The following SLC7A5 variants were observed in gnomAD, a reference collection of about 807,000 sequenced individuals.
SLC7A5 encodes the protein solute carrier family 7 member 5, also known as large neutral amino acids transporter small subunit 1.
In SLC7A5, 23 loss-of-function variants were observed where a neutral mutation model predicts 50.2. That is an observed-to-expected ratio of 0.46 (90% CI 0.33 to 0.65). The LOEUF is 0.65. SLC7A5 is among the 30% of genes least tolerant of loss of function. SLC7A5 has a pLI of 0.02. For missense variants in SLC7A5, 578 were observed against 684.4 expected, an observed-to-expected ratio of 0.84 and a Z score of 1.73; for synonymous variants, 393 against 330.6, an observed-to-expected ratio of 1.19 and a Z score of -2.05.
In SLC7A5 at chr16:87,841,349, G is replaced by A. The variant is rs1300416478; in HGVS notation, c.665-194C>T. Among the ~76,000 whole-genome samples the A allele has an allele frequency of 1.3e-5, 2 of 152,216 alleles. No individual in the cohort carries two copies. The highest frequency in any genetic ancestry group is 2.1e-4 in the South Asian group (1 of 4,832). ...GGGTTCCAACCACAACCAGGGGGAT[G>A]TGGCCCTGCCAGAGGCCCTGTGCCC... is the stretch of plus-strand genomic sequence containing the variant. On this transcript the variant is annotated intron_variant, in intron 2 of 9. Transcript: ENST00000261622. This position sits in a 1 kb window ranked among gnomAD's most constrained non-coding sequence, Gnocchi z 4.8.
Position 87,841,067 on chromosome 16 carries a change from G to C in SLC7A5, c.753C>G (p.Leu251=). 2 of 1,613,356 alleles carry C rather than the reference G, an allele frequency of 1.2e-6. No homozygotes were observed. The highest frequency in any genetic ancestry group is 1.7e-6 in the Non-Finnish European group (2 of 1,179,446). Residue 251 remains leucine (L), a synonymous_variant, in exon 3 of 10, where the codon CTC becomes CTG. Transcript: ENST00000261622. The surrounding 1 kb of genome is among the most constrained non-coding windows in gnomAD (Gnocchi z 4.8). ...GNIVLALYSG[L]FAYGGWNYLN... ...GAACCTACCATCCTCCATAGGCAAA[G>C]AGGCCGCTGTATAATGCCAGCACAA...
In SLC7A5 at chr16:87,841,966, G is replaced by A. The variant is rs1283625883; in HGVS notation, c.665-811C>T. Among the ~76,000 whole-genome samples, 2 of 152,328 alleles carry A rather than the reference G, an allele frequency of 1.3e-5. No individual in the cohort carries two copies. The highest frequency in any genetic ancestry group is 2.1e-4 in the South Asian group (1 of 4,832). Reference sequence around the variant, plus strand: ...GGAAGGGGTGTCTCCGGAAGGTCACGTGGCTGCTGGGACAGCACTGGCCCT... The same window carrying A: ...GGAAGGGGTGTCTCCGGAAGGTCACATGGCTGCTGGGACAGCACTGGCCCT... On this transcript the variant is annotated intron_variant, in intron 2 of 9. Transcript: ENST00000261622. The surrounding 1 kb of genome is among the most constrained non-coding windows in gnomAD (Gnocchi z 4.8).
intron 2 of SLC7A5, among the ~76,000 whole-genome samples, chr16:87,848,862 C>T (rs933109321): frequency 1.3e-5 from 2 of 152,092 alleles, no homozygotes; most frequent in South Asian, 2.1e-4. Context: ...GATGGTTCTG[C>T]GGATGGCCAA....
At chr16:87,847,020 T>G (rs928746902) in intron 2 of SLC7A5, among the ~76,000 whole-genome samples, 1 of 151,998 alleles carries the variant, frequency 6.6e-6, no homozygotes, top group Non-Finnish European at 1.5e-5. Flanking sequence ...TTGCCCTCTC[T>G]CCGGGAGGGC....
At chr16:87,866,450 G>A (rs754865837) in intron 1 of SLC7A5, among the ~76,000 whole-genome samples, 1 of 152,034 alleles carries the variant, frequency 6.6e-6, no homozygotes, top group Non-Finnish European at 1.5e-5. Flanking sequence ...ACAGGTGTGC[G>A]CCATGACGCC....
chr16:87,844,323 T>C (rs57195914), intron 2 of SLC7A5, among the ~76,000 whole-genome samples: 6,373 of 152,134 alleles, frequency 0.042, 425 homozygotes, highest in African/African-American at 0.14. Flanking sequence ...TCAGCAGGAT[T>C]CCCCCGAGAG....
intron 1 of SLC7A5, among the ~76,000 whole-genome samples, chr16:87,855,634 C>G (rs2055307689): frequency 6.6e-6 from 1 of 151,992 alleles, no homozygotes; most frequent in Non-Finnish European, 1.5e-5. Flanking sequence ...ATGCTGGCAT[C>G]TTGGTCTCCT....
Position 87,852,359 on chromosome 16 carries a change from C to T in SLC7A5, c.539-510G>A, listed in dbSNP as rs528400441. On this transcript the variant is annotated intron_variant, in intron 1 of 9. Transcript: ENST00000261622. The surrounding 1 kb of genome is among the most constrained non-coding windows in gnomAD (Gnocchi z 4.5). ...ATTCCAACAGAAGTGGGGTGTCCCG[C>T]TTTCCCGGAACTACCTGGCCAGTCA... 3.3e-5 allele frequency among the ~76,000 whole-genome samples: 5 copies of T among 152,326 alleles called. No individual in the cohort carries two copies. Among genetic ancestry groups the T allele is most frequent in the African/African-American group, 9.6e-5 (4 of 41,564 alleles).
At chr16:87,857,654 C>T (rs750479140) in intron 1 of SLC7A5, among the ~76,000 whole-genome samples, 24 of 152,174 alleles carry the variant, frequency 1.6e-4, no homozygotes, top group Non-Finnish European at 2.4e-4. Flanking sequence ...ACCTTTGGGC[C>T]GGACATACAG....
intron 1 of SLC7A5, among the ~76,000 whole-genome samples, chr16:87,855,785 G>GC (rs552255198): frequency 6.6e-6 from 1 of 152,140 alleles, no homozygotes; most frequent in Admixed American, 6.5e-5. Flanking sequence ...GGACCTGTGG[G>GC]CCCCGGCTGG....
Position 87,852,884 on chromosome 16 carries a change from C to G in SLC7A5, c.539-1035G>C, listed in dbSNP as rs68149176. On this transcript the variant is annotated intron_variant, in intron 1 of 9. Coordinates refer to ENST00000261622, the MANE Select transcript of SLC7A5 (RefSeq NM_003486.7). The surrounding 1 kb of genome is among the most constrained non-coding windows in gnomAD (Gnocchi z 4.5). Reference sequence around the variant, plus strand: ...TATTAATCCCGAGGCACTGACTCCACGACACCCCTCACTGCCTGCTGCACT... The same window carrying G: ...TATTAATCCCGAGGCACTGACTCCAGGACACCCCTCACTGCCTGCTGCACT... 6.6e-6 allele frequency among the ~76,000 whole-genome samples: 1 copy of G among 152,100 alleles called. No individual in the cohort carries two copies. Among genetic ancestry groups the G allele is most frequent in the East Asian group, 1.9e-4 (1 of 5,166 alleles).
In SLC7A5 at chr16:87,840,434, G is replaced by C; in HGVS notation, c.810C>G (p.Pro270=). 6.2e-7 allele frequency: 1 copy of C among 1,612,128 alleles called. No homozygotes were observed. Residue 270 remains proline (P), a synonymous_variant, in exon 4 of 10, where the codon CCC becomes CCG. Coordinates refer to ENST00000261622, the MANE Select transcript of SLC7A5 (RefSeq NM_003486.7). ...CCATCCATTCTTGCACGTACCTGTA[G>C]GGGTTGATCATTTCCTCTGTGACGA... The part of the protein sequence containing the change: ...LNFVTEEMIN[P]YRNLPLAIII...
chr16:87,835,331 C>T (rs1445782721), intron 8 of SLC7A5, among the ~76,000 whole-genome samples: 1 of 152,234 alleles, frequency 6.6e-6, no homozygotes, highest in Non-Finnish European at 1.5e-5. Context: ...GGGGCTGAGC[C>T]CCCGCTGTGC....
In SLC7A5 at chr16:87,834,321, G is replaced by A. The variant is rs541633027; in HGVS notation, c.1468+93C>T. 126 of 1,265,874 alleles carry A rather than the reference G, an allele frequency of 1.0e-4. 1 individual carries two copies. The African/African-American group carries it at 1.3e-3, about 13-fold the overall frequency. 78.4% of individuals were successfully genotyped at this position (1,265,874 alleles called of 1,614,324 possible). A position where few individuals can be genotyped will look rare whatever the true frequency, so the allele number is the denominator to read the frequency against. On this transcript the variant is annotated intron_variant, in intron 9 of 9. Transcript: ENST00000261622. ...ACCCTCCTGCCACCCAACACGCTTC[G>A]CCCCATGTGGGTGGAGACGGCCGAC...
chr16:87,846,163 A>G (rs112295785), intron 2 of SLC7A5, among the ~76,000 whole-genome samples: 7,032 of 152,268 alleles, frequency 0.046, 535 homozygotes, highest in African/African-American at 0.16. Flanking sequence ...GAGTGGAGCC[A>G]CACTCGAGCC....
intron 4 of SLC7A5, 118 bp from the exon 5 acceptor site, chr16:87,839,943 C>A: frequency 7.1e-7 from 1 of 1,402,716 alleles, no homozygotes; most frequent in South Asian, 1.2e-5. Flanking sequence ...TGCTGGGCTT[C>A]TCGGGGAAGG....
At position 87,836,549 on chromosome 16, in the gene SLC7A5, G is replaced by T. The variant is rs371674151; in HGVS notation, c.1239C>A (p.Ile413=). ...FNWLCVALAI[I]GMIWLRHRKP... ...TTCTGTGGCGCAGCCAGATCATGCC[G>T]ATGATGGCCAGGGCCACGCAGAGCC... The change falls in exon 8 of 10, where the codon ATC becomes ATA. Residue 413 remains isoleucine (I), a synonymous_variant. Coordinates refer to ENST00000261622, the MANE Select transcript of SLC7A5 (RefSeq NM_003486.7). 4 of 1,613,402 alleles carry T rather than the reference G, an allele frequency of 2.5e-6. No homozygotes were observed. The highest frequency in any genetic ancestry group is 2.5e-6 in the Non-Finnish European group (3 of 1,180,028).
chr16:87,868,132 AAG>A (rs371468349), intron 1 of SLC7A5, among the ~76,000 whole-genome samples: 22,413 of 148,900 alleles, frequency 0.15, 2,288 homozygotes, highest in African/African-American at 0.29. Context: ...AAAAAAAAAA[AAG>A]AAAGAAAAAG....
chr16:87,840,995 C>G, intron 3 of SLC7A5, 55 bp downstream of exon 3: 1 of 1,239,452 alleles, frequency 8.1e-7, no homozygotes, highest in Non-Finnish European at 1.2e-6. Context: ...GATTCCTGGA[C>G]ACGTCAGGGA....
Sources: gnomAD v4.1 joint callset for allele counts (sites outside exome capture counted in the v4.1 genomes callset) on GRCh38, gnomAD v4.1.1 for gene constraint, Gnocchi (gnomAD v3.1) non-coding constraint, MANE v1.5 for transcripts, NCBI Gene and HGNC (gene_info 2026-07-23, HGNC 2026-07-21) for gene names.